The following PLXND1 variants were observed in gnomAD, a reference collection of about 807,000 sequenced individuals.
PLXND1 encodes plexin-D1.
A neutral mutation model predicts 197.7 loss-of-function variants in PLXND1; 54 were observed. That is an observed-to-expected ratio of 0.27 (90% confidence interval 0.22 to 0.34). The LOEUF (loss-of-function observed/expected upper bound fraction) is 0.34. PLXND1 is among the 10% of genes least tolerant of loss of function. The probability of loss-of-function intolerance (pLI) is 1.00; values close to 1 mark genes in which losing one functional copy is unlikely to be tolerated. For synonymous variants in PLXND1, 1,180 were observed against 1,161.2 expected, an observed-to-expected ratio of 1.02 and a Z score of -0.33; for missense variants, 2,127 against 2,699.2, an observed-to-expected ratio of 0.79 and a Z score of 4.70.
chr3:129,578,203 A>T, intron 9 of PLXND1, 126 bp downstream of exon 9: 1 of 698,546 alleles, frequency 1.4e-6, no homozygotes, highest in Non-Finnish European at 2.6e-6. Context: ...CAAAGCCCAC[A>T]CAGGTGCGAA....
At position 129,573,599 on chromosome 3, in the gene PLXND1, C is replaced by T. The variant is rs376922565; in HGVS notation, c.2832G>A (p.Ser944=). The change falls in exon 13 of 36, where the codon TCG becomes TCA. Residue 944 remains serine (S), a synonymous_variant. Coordinates refer to ENST00000324093, the MANE Select transcript of PLXND1 (RefSeq NM_015103.3). ...GGGGCACCGTGGCTACTCACTCCTC[C>T]GACACCGTGTATCTGTCAGGCAGTG... ...CEPLPDRYTV[S]EEIVCVTGPA... 179 of 1,612,706 alleles carry T rather than the reference C, an allele frequency of 1.1e-4. No individual in the cohort carries two copies. Among genetic ancestry groups the T allele is most frequent in the Non-Finnish European group, 1.4e-4 (167 of 1,179,722 alleles).
chr3:129,580,298 C>T (rs542345471), intron 8 of PLXND1, among the ~76,000 whole-genome samples: 40 of 152,264 alleles, frequency 2.6e-4, no homozygotes, highest in Admixed American at 1.0e-3. Context: ...CCAGAATACA[C>T]GAGCCACTGA....
chr3:129,555,940 C>T lies in PLXND1; in HGVS notation c.*372G>A, dbSNP rs2084966330. 4 of 287,776 alleles carry T rather than the reference C, an allele frequency of 1.4e-5. No homozygotes were observed. The highest frequency in any genetic ancestry group is 4.9e-5 in the Admixed American group (1 of 20,392). 17.8% of individuals were successfully genotyped at this position (287,776 alleles called of 1,614,324 possible). A position where few individuals can be genotyped will look rare whatever the true frequency, so the allele number is the denominator to read the frequency against. On this transcript the variant is annotated 3_prime_UTR_variant, in exon 36 of 36. Transcript: ENST00000324093. ...TTCTGGGCTGCAGCCTCCGGGCTGG[C>T]GGCCTCCTCTCCCCCAGTTTGTGCT... is the stretch of plus-strand genomic sequence containing the variant.
chr3:129,559,782 C>A lies in PLXND1; in HGVS notation c.5135G>T (p.Gly1712Val). ...GTCATCCAGAAACTTCTGCAACGTG[C>A]CCTGCGGGGGAGTGGGGTGGCCGCC... ...IYLTRLLSTKGTLQKFLDDLF... is the reference protein window; with the variant it reads ...IYLTRLLSTKVTLQKFLDDLF... Residue 1712 changes from glycine to valine, a missense_variant and splice_region_variant, in exon 32 of 36, where the codon GGC (glycine) becomes GTC (valine). Transcript: ENST00000324093. The A allele has an allele frequency of 1.3e-6, 2 of 1,598,482 alleles. No homozygotes were observed. The highest frequency in any genetic ancestry group is 1.7e-6 in the Non-Finnish European group (2 of 1,172,080).
At chr3:129,592,474 C>G (rs2085558029) in intron 1 of PLXND1, among the ~76,000 whole-genome samples, 1 of 152,250 alleles carries the variant, frequency 6.6e-6, no homozygotes. Context: ...CCAGATGACA[C>G]CTTTGGGCAT....
At chr3:129,584,803 C>T (rs1347669886) in intron 5 of PLXND1, among the ~76,000 whole-genome samples, 1 of 152,090 alleles carries the variant, frequency 6.6e-6, no homozygotes, top group Non-Finnish European at 1.5e-5. Flanking sequence ...CATGATCTGG[C>T]CCCTGTGACC....
At chr3:129,556,732 C>G (rs1228325223) in intron 34 of PLXND1, 41 bp from the exon 35 acceptor site, 1 of 1,442,750 alleles carries the variant, frequency 6.9e-7, no homozygotes, top group East Asian at 2.3e-5. Flanking sequence ...GCCCAGCGGT[C>G]AAAGCTGAGC....
chr3:129,597,397 G>C (rs2085640930), intron 1 of PLXND1, among the ~76,000 whole-genome samples: 1 of 152,226 alleles, frequency 6.6e-6, no homozygotes, highest in Non-Finnish European at 1.5e-5. Flanking sequence ...AACAAAGATA[G>C]CGGGCAGAGG....
At chr3:129,588,705 A>G (rs1191004652) in intron 2 of PLXND1, among the ~76,000 whole-genome samples, 1 of 152,166 alleles carries the variant, frequency 6.6e-6, no homozygotes, top group Admixed American at 6.5e-5. Context: ...GGAGCAGGAG[A>G]GATGGCTGGG....
chr3:129,574,606 C>G, intron 11 of PLXND1, 116 bp from the exon 12 acceptor site: 2 of 1,064,314 alleles, frequency 1.9e-6, no homozygotes, highest in Non-Finnish European at 2.7e-6. Flanking sequence ...TTGTGGTGCC[C>G]CACCCAGAGG....
At position 129,571,748 on chromosome 3, in the gene PLXND1, G is replaced by A. The variant is rs146111752; in HGVS notation, c.3174C>T (p.His1058=). ...GCATGTACCAGAAGGTGAGGTTGCC[G>A]TGCACGCAGCCCCGACGCTCGAAGC... is the stretch of plus-strand genomic sequence containing the variant. ...CVRFERRGCV[H]GNLTFWYMQN... The change falls in exon 16 of 36, where the codon CAC becomes CAT. Residue 1058 remains histidine, a synonymous_variant. Transcript: ENST00000324093. 89 of 1,613,476 alleles carry A rather than the reference G, an allele frequency of 5.5e-5. No individual in the cohort carries two copies. Among genetic ancestry groups the A allele is most frequent in the African/African-American group, 2.8e-4 (21 of 75,046 alleles).
chr3:129,584,886 T>A (rs2085437922), intron 5 of PLXND1, among the ~76,000 whole-genome samples: 1 of 152,082 alleles, frequency 6.6e-6, no homozygotes, highest in African/African-American at 2.4e-5. Context: ...CACTGGCAGT[T>A]CCCTCCACCC....
At chr3:129,578,985 G>A (rs1420743127) in intron 8 of PLXND1, among the ~76,000 whole-genome samples, 1 of 152,204 alleles carries the variant, frequency 6.6e-6, no homozygotes, top group Non-Finnish European at 1.5e-5. Flanking sequence ...GTCTCCAGGG[G>A]ACACCCCTCC....
At chr3:129,587,809 T>C (rs541665955) in intron 2 of PLXND1, among the ~76,000 whole-genome samples, 2 of 152,368 alleles carry the variant, frequency 1.3e-5, no homozygotes, top group East Asian at 3.9e-4. Flanking sequence ...TATTCCTTCC[T>C]GTTCCCCTTC....
At chr3:129,578,273 G>C (rs1223402587) in intron 9 of PLXND1, 56 bp downstream of exon 9, 6 of 1,098,214 alleles carry the variant, frequency 5.5e-6, no homozygotes, top group Non-Finnish European at 8.2e-6. Flanking sequence ...TTAGTGGCCT[G>C]CGTGCTCCCC....
intron 9 of PLXND1, among the ~76,000 whole-genome samples, chr3:129,576,599 C>T (rs2085317742): frequency 6.6e-6 from 1 of 152,198 alleles, no homozygotes; most frequent in Non-Finnish European, 1.5e-5. Context: ...CTGACACCAC[C>T]CCCAAGGGCA....
chr3:129,586,837 G>A, intron 2 of PLXND1, 118 bp from the exon 3 acceptor site: 3 of 1,226,186 alleles, frequency 2.4e-6, no homozygotes, highest in Non-Finnish European at 3.4e-6. Context: ...GGACCCTTCA[G>A]GAGGGGTGGG....
At position 129,556,055 on chromosome 3, in the gene PLXND1, A is replaced by C; in HGVS notation, c.*257T>G. The C allele has an allele frequency of 2.1e-6, 1 of 476,790 alleles. No individual in the cohort carries two copies. The highest frequency in any genetic ancestry group is 2.0e-5 in the African/African-American group (1 of 51,100). 29.5% of individuals were successfully genotyped at this position (476,790 alleles called of 1,614,324 possible). A position where few individuals can be genotyped will look rare whatever the true frequency, so the allele number is the denominator to read the frequency against. ...GGGCACAGTGCAGGCCGTGCTGGGC[A>C]GATGGGGGAGCCTGACCAGCTCTCT... On this transcript the variant is annotated 3_prime_UTR_variant, in exon 36 of 36. Transcript: ENST00000324093.
chr3:129,589,614 G>A, intron 1 of PLXND1, 87 bp from the exon 2 acceptor site: 2 of 1,169,766 alleles, frequency 1.7e-6, no homozygotes, highest in Middle Eastern at 2.8e-4. Context: ...TCAGGCCCTG[G>A]CATCAGAGCT....
Sources: gnomAD v4.1 joint callset for allele counts (sites outside exome capture counted in the v4.1 genomes callset) on GRCh38, gnomAD v4.1.1 for gene constraint, MANE v1.5 for transcripts, NCBI Gene and HGNC (gene_info 2026-07-23, HGNC 2026-07-21) for gene names.